CNTN5: variants seen among roughly 807,000 people sequenced by gnomAD.
The protein encoded by CNTN5 is contactin-5.
CNTN5 carries 77 observed loss-of-function variants against 129.1 expected under a neutral mutation model. The ratio of observed to expected loss-of-function variants is 0.60; its 90% confidence interval spans 0.50 to 0.72. The LOEUF (loss-of-function observed/expected upper bound fraction) is 0.72. Among genes scored for constraint, CNTN5 ranks in the 30% least tolerant of loss-of-function variants. The probability of loss-of-function intolerance (pLI) is 0.00; values close to 1 mark genes in which losing one functional copy is unlikely to be tolerated. For synonymous variants in CNTN5, 509 were observed against 465.6 expected (o/e 1.09, Z -1.20); for missense variants, 1,478 against 1,328.8 (o/e 1.11, Z -1.75).
At chr11:100,351,856 GTTAT>G (rs1255219526) in intron 24 of CNTN5, among the ~76,000 whole-genome samples, 2 of 151,198 alleles carry the variant, frequency 1.3e-5, no homozygotes, top group African/African-American at 4.8e-5. Flanking sequence ...GTGGCCCTAT[GTTAT>G]TTAACGTATT....
At chr11:100,261,979 A>C (rs913840294) in intron 17 of CNTN5, among the ~76,000 whole-genome samples, 1 of 152,348 alleles carries the variant, frequency 6.6e-6, no homozygotes, top group East Asian at 1.9e-4. Flanking sequence ...TCTTCTGCAC[A>C]GTGAAAGAAA....
At chr11:99,467,140 GAC>G (rs1395798584) in intron 2 of CNTN5, among the ~76,000 whole-genome samples, 3 of 152,022 alleles carry the variant, frequency 2.0e-5, no homozygotes, top group South Asian at 2.1e-4. Flanking sequence ...TCTCTGAAGA[GAC>G]ACAGTGTTTT....
chr11:100,263,001 G>A (rs182375364), intron 17 of CNTN5, among the ~76,000 whole-genome samples: 23 of 152,172 alleles, frequency 1.5e-4, no homozygotes, highest in Admixed American at 3.9e-4. Context: ...CTTCCAAGAT[G>A]TTTGCATTAT....
At chr11:99,489,854 G>T (rs11607802) in intron 2 of CNTN5, among the ~76,000 whole-genome samples, 10,576 of 152,160 alleles carry the variant, frequency 0.07, 455 homozygotes, top group Non-Finnish European at 0.097. Flanking sequence ...GGGAAAGACA[G>T]ACAGAGAGAG....
chr11:99,049,030 G>A (rs1864320933), intron 1 of CNTN5, among the ~76,000 whole-genome samples: 1 of 152,036 alleles, frequency 6.6e-6, no homozygotes. Context: ...TACCCTTCCT[G>A]GGAGAGAATT....
At chr11:99,262,499 T>C (rs954476744) in intron 1 of CNTN5, among the ~76,000 whole-genome samples, 1 of 152,004 alleles carries the variant, frequency 6.6e-6, no homozygotes, top group African/African-American at 2.4e-5. Context: ...CAGCTTTTAT[T>C]TTGTCTACTC....
chr11:99,635,982 G>A (rs1024842676), intron 3 of CNTN5, among the ~76,000 whole-genome samples: 1 of 151,988 alleles, frequency 6.6e-6, no homozygotes, highest in Non-Finnish European at 1.5e-5. Context: ...AGAATTAGAA[G>A]CCTTTTTACA....
chr11:99,663,151 T>A (rs1952657894), intron 3 of CNTN5, among the ~76,000 whole-genome samples: 1 of 151,970 alleles, frequency 6.6e-6, no homozygotes, highest in East Asian at 1.9e-4. Context: ...ATAGACAAAT[T>A]TAAATATTTT....
chr11:99,674,404 C>A (rs544108213), intron 3 of CNTN5, among the ~76,000 whole-genome samples: 69 of 152,084 alleles, frequency 4.5e-4, no homozygotes, highest in African/African-American at 1.5e-3. Flanking sequence ...ATGTAGGTTG[C>A]CTGTTCACTC....
At chr11:100,153,876 AGTTTCAAATCT>A (rs1338281574) in intron 13 of CNTN5, among the ~76,000 whole-genome samples, 1 of 151,644 alleles carries the variant, frequency 6.6e-6, no homozygotes, top group Non-Finnish European at 1.5e-5. Context: ...AGTGCATATA[AGTTTCAAATCT>A]GTTAGTATAA....
At chr11:99,074,552 C>A (rs376398998) in intron 1 of CNTN5, among the ~76,000 whole-genome samples, 1 of 152,050 alleles carries the variant, frequency 6.6e-6, no homozygotes, top group Admixed American at 6.6e-5. Context: ...CTATGTTGCC[C>A]AGGCTGATCT....
rs182271943 is a variant in CNTN5 at position 99,788,708 on chromosome 11, G to A, written c.56-30836G>A. Among the ~76,000 whole-genome samples the A allele has an allele frequency of 1.5e-4, 23 of 151,900 alleles. 1 individual carries two copies. In the East Asian group the frequency reaches 4.4e-3, roughly 29 times the overall value. On this transcript the variant is annotated intron_variant, in intron 3 of 24. Transcript: ENST00000524871. ...GAAACACATATGATAACCATCACTA[G>A]GAAATGTACCTATTAAAATTTTTAC...
At chr11:100,016,383 T>G (rs2137543509) in intron 9 of CNTN5, among the ~76,000 whole-genome samples, 1 of 152,272 alleles carries the variant, frequency 6.6e-6, no homozygotes, top group Admixed American at 6.5e-5. Flanking sequence ...CAACTTCATA[T>G]TCTTTACTTT....
rs551741056 is a variant in CNTN5, at chr11:99,489,389, A to G, written c.-70-66756A>G. ...CAAAGTGAAGCTGTTAAAACAATGA[A>G]CTATGATTCCCCTAAAGATTTAGAG... On this transcript the variant is annotated intron_variant, in intron 2 of 24. Transcript: ENST00000524871. Among the ~76,000 whole-genome samples, 3 of 152,310 alleles carry G rather than the reference A, an allele frequency of 2.0e-5. 1 individual carries two copies. In the South Asian group the frequency reaches 6.2e-4, roughly 32 times the overall value.
At chr11:99,071,112 G>T (rs1418036186) in intron 1 of CNTN5, among the ~76,000 whole-genome samples, 2 of 152,012 alleles carry the variant, frequency 1.3e-5, no homozygotes, top group Non-Finnish European at 2.9e-5. Context: ...ATTCCTCAGG[G>T]TTATATTCAT....
chr11:99,646,904 A>T (rs983869597), intron 3 of CNTN5, among the ~76,000 whole-genome samples: 2 of 150,192 alleles, frequency 1.3e-5, no homozygotes, highest in African/African-American at 4.9e-5. Context: ...TGCTACTGAG[A>T]TGTTTGTGTT....
intron 13 of CNTN5, among the ~76,000 whole-genome samples, chr11:100,094,256 T>A (rs1012812270): frequency 1.3e-5 from 2 of 152,010 alleles, no homozygotes; most frequent in East Asian, 1.9e-4. Flanking sequence ...ACTGAAAACT[T>A]CTTCTTTCTC....
chr11:99,696,614 C>A (rs1454985899), intron 3 of CNTN5, among the ~76,000 whole-genome samples: 1 of 151,310 alleles, frequency 6.6e-6, no homozygotes, highest in Non-Finnish European at 1.5e-5. Flanking sequence ...CAAGTACCAT[C>A]AGTAGTCATT....
intron 13 of CNTN5, among the ~76,000 whole-genome samples, chr11:100,105,647 T>G (rs910597901): frequency 6.6e-6 from 1 of 152,172 alleles, no homozygotes; most frequent in East Asian, 1.9e-4. Context: ...CTGCCTTTGA[T>G]GAGTATCCAG....
Sources: gnomAD v4.1 joint callset for allele counts (sites outside exome capture counted in the v4.1 genomes callset) on GRCh38, gnomAD v4.1.1 for gene constraint, MANE v1.5 for transcripts, NCBI Gene and HGNC (gene_info 2026-07-23, HGNC 2026-07-21) for gene names.